The following PFKFB2 variants were observed in gnomAD, a reference collection of about 807,000 sequenced individuals.
The protein encoded by PFKFB2 is 6-phosphofructo-2-kinase/fructose-2,6-biphosphatase 2, also known as 6-phosphofructo-2-kinase/fructose-2,6-bisphosphatase 2.
Under a neutral mutation model 68.0 loss-of-function variants are expected in PFKFB2, and 53 were observed. The observed-to-expected ratio is 0.78, with a 90% CI of 0.63 to 0.98. The LOEUF is 0.98. Ranked by LOEUF, PFKFB2 falls within the 50% of genes least tolerant of loss-of-function variation. The probability of loss-of-function intolerance (pLI) is 0.00; values close to 1 mark genes in which losing one functional copy is unlikely to be tolerated. For synonymous variants in PFKFB2, 222 were observed against 227.6 expected (o/e 0.98, Z 0.22); for missense variants, 451 against 642.0 (o/e 0.70, Z 3.22).
intron 2 of PFKFB2, among the ~76,000 whole-genome samples, chr1:207,057,320 A>C (rs1409897222): frequency 2.8e-4 from 41 of 148,662 alleles, no homozygotes; most frequent in Admixed American, 2.6e-3. Context: ...AAAAAAAAAA[A>C]AAAAAAAACT....
intron 2 of PFKFB2, among the ~76,000 whole-genome samples, chr1:207,043,587 C>T (rs1259161939): frequency 1.3e-5 from 2 of 152,148 alleles, no homozygotes; most frequent in Non-Finnish European, 2.9e-5. Flanking sequence ...ACACTGACAA[C>T]TTGTCAGCAA....
intron 1 of PFKFB2, among the ~76,000 whole-genome samples, chr1:207,041,839 A>G (rs1209366510): frequency 6.6e-6 from 1 of 152,036 alleles, no homozygotes; most frequent in African/African-American, 2.4e-5. Flanking sequence ...ACTAATTTAC[A>G]CTCCCACCAA....
intron 2 of PFKFB2, among the ~76,000 whole-genome samples, chr1:207,055,143 T>C (rs1407858815): frequency 1.3e-5 from 2 of 152,166 alleles, no homozygotes; most frequent in Non-Finnish European, 2.9e-5. Context: ...GGTGCAGGAA[T>C]TACTTGGAGC....
chr1:207,038,539 T>C (rs1461852222), intron 1 of PFKFB2, among the ~76,000 whole-genome samples: 1 of 152,244 alleles, frequency 6.6e-6, no homozygotes, highest in Admixed American at 6.5e-5. Flanking sequence ...GTACCCTCTA[T>C]TTGAAATGAT....
chr1:207,039,000 T>C (rs909767623), intron 1 of PFKFB2, among the ~76,000 whole-genome samples: 12 of 152,208 alleles, frequency 7.9e-5, no homozygotes, highest in African/African-American at 2.9e-4. Flanking sequence ...TGTTAAACCA[T>C]TTAACAATTT....
chr1:207,050,419 G>A (rs549790504), upstream of PFKFB2, among the ~76,000 whole-genome samples: 31 of 152,282 alleles, frequency 2.0e-4, no homozygotes, highest in African/African-American at 5.8e-4. Context: ...AAACAAAATG[G>A]GATAGTTTCA....
intron 1 of PFKFB2, chr1:207,042,154 C>T (rs1274206769): frequency 6.6e-6 from 1 of 152,080 alleles, no homozygotes; most frequent in Non-Finnish European, 1.5e-5. Flanking sequence ...CTTCTTTTCC[C>T]CCTCATTTCT....
Position 207,063,089 on chromosome 1 carries a change from C to A in PFKFB2, c.309-54C>A. Reference sequence around the variant, plus strand: ...TCTGTAGCCACCCGAATGTTTGTGTCTCTGACTGTTTGAGCTTAGCTCTCC... The same window carrying A: ...TCTGTAGCCACCCGAATGTTTGTGTATCTGACTGTTTGAGCTTAGCTCTCC... On this transcript the variant is annotated intron_variant, in intron 4 of 14. Coordinates refer to ENST00000367080, the MANE Select transcript of PFKFB2 (RefSeq NM_006212.2). This position sits in a 1 kb window ranked among gnomAD's most constrained non-coding sequence, Gnocchi z 4.1. The A allele has an allele frequency of 6.9e-7, 1 of 1,458,176 alleles. No homozygotes were observed. The highest frequency in any genetic ancestry group is 9.6e-7 in the Non-Finnish European group (1 of 1,039,112). 90.3% of individuals were successfully genotyped at this position (1,458,176 alleles called of 1,614,324 possible).
chr1:207,061,605 G>A lies in PFKFB2; in HGVS notation c.86-348G>A, dbSNP rs78428289. 6.6e-3 allele frequency among the ~76,000 whole-genome samples: 1,002 copies of A among 152,204 alleles called. 8 individuals carry two copies. Among genetic ancestry groups the A allele is most frequent in the Non-Finnish European group, 1.0e-2 (679 of 67,990 alleles). ...TGTATAAACCTTACTAGACCCCAGC[G>A]GGGCTGGGCGCCTCACGCCTGTAAT... On this transcript the variant is annotated intron_variant, in intron 2 of 14. Transcript: ENST00000367080.
At chr1:207,048,009 T>G (rs902748787) in intron 2 of PFKFB2, 2 of 152,360 alleles carry the variant, frequency 1.3e-5, no homozygotes, top group African/African-American at 4.8e-5. Context: ...GCATTATTAC[T>G]TGAAAAAAAT....
rs572206180 is a variant in PFKFB2 at position 207,058,578 on chromosome 1, A to T, written c.86-3375A>T. 2.6e-5 allele frequency among the ~76,000 whole-genome samples: 4 copies of T among 152,362 alleles called. No homozygotes were observed. In the South Asian group the frequency reaches 8.3e-4, roughly 32 times the overall value. On this transcript the variant is annotated intron_variant, in intron 2 of 14. Transcript: ENST00000367080. Reference sequence around the variant, plus strand: ...TTTTTCCATTTACACGAGGGAAGTTATCAAGTCCTCATTTTTTTTGTAAAT... The same window carrying T: ...TTTTTCCATTTACACGAGGGAAGTTTTCAAGTCCTCATTTTTTTTGTAAAT...
intron 12 of PFKFB2, 99 bp from the exon 13 acceptor site, chr1:207,071,089 G>A: frequency 2.1e-6 from 2 of 974,632 alleles, no homozygotes; most frequent in Admixed American, 3.7e-5. Flanking sequence ...GTCAAAGTAA[G>A]GGAAACTCAT....
intron 7 of PFKFB2, among the ~76,000 whole-genome samples, chr1:207,064,788 G>T (rs1683230808): frequency 6.6e-6 from 1 of 152,044 alleles, no homozygotes. Flanking sequence ...AGCTTTGGCT[G>T]CGTGACTGCC....
intron 3 of PFKFB2, 100 bp downstream of exon 3, chr1:207,062,178 T>G (rs942874313): frequency 1.0e-5 from 15 of 1,497,632 alleles, no homozygotes; most frequent in Non-Finnish European, 1.4e-5. Flanking sequence ...TATAGGGTGC[T>G]TTTGGCAGAA....
In PFKFB2 at chr1:207,075,847, T is replaced by C. The variant is rs944427068; in HGVS notation, c.*3476T>C. 3.0e-6 allele frequency: 3 copies of C among 983,824 alleles called. No individual in the cohort carries two copies. The highest frequency in any genetic ancestry group is 1.7e-5 in the African/African-American group (1 of 57,234). The allele number at this position is 983,824 out of a possible 1,614,324, so 60.9% of individuals were successfully genotyped here. A position where few individuals can be genotyped will look rare whatever the true frequency, so the allele number is the denominator to read the frequency against. ...CTATGACAGATTTGAAAGAGAATTC[T>C]AAAGCAGATTTAGAGAACCTGCTTC... On this transcript the variant is annotated 3_prime_UTR_variant, in exon 15 of 15. Transcript: ENST00000367080.
intron 2 of PFKFB2, chr1:207,044,616 A>G (rs1682549998): frequency 2.6e-5 from 4 of 152,328 alleles, no homozygotes; most frequent in South Asian, 2.1e-4. Context: ...CAAAATGCTT[A>G]TAATTCATGG....
intron 1 of PFKFB2, among the ~76,000 whole-genome samples, chr1:207,054,144 C>T (rs1432734447): frequency 6.6e-6 from 1 of 151,882 alleles, no homozygotes; most frequent in Admixed American, 6.6e-5. Flanking sequence ...CCTCTTGATC[C>T]GCCCGCCTCA....
chr1:207,062,120 C>T (rs1572723850), intron 3 of PFKFB2, 42 bp downstream of exon 3: 1 of 1,613,186 alleles, frequency 6.2e-7, no homozygotes, highest in East Asian at 2.2e-5. Context: ...TTATTAGTTC[C>T]TGGGCCTCAC....
Position 207,063,885 on chromosome 1 carries a change from T to TA in PFKFB2, c.507+56_507+57insA. On this transcript the variant is annotated intron_variant, in intron 7 of 14. Coordinates refer to ENST00000367080, the MANE Select transcript of PFKFB2 (RefSeq NM_006212.2). The surrounding 1 kb of genome is among the most constrained non-coding windows in gnomAD (Gnocchi z 4.1). ...TTCACCTTTTGTGCTGTGTGTGTTG[T>TA]GGGGTGTGTGTGTGTGTGTGTGTGT... 1.2e-6 allele frequency: 1 copy of TA among 850,114 alleles called. No individual in the cohort carries two copies. Among genetic ancestry groups the TA allele is most frequent in the Non-Finnish European group, 1.8e-6 (1 of 548,540 alleles). The allele number at this position is 850,114 out of a possible 1,614,324, so 52.7% of individuals were successfully genotyped here.
Sources: allele counts gnomAD v4.1 joint callset (sites outside exome capture counted in the v4.1 genomes callset), GRCh38; gene constraint gnomAD v4.1.1; non-coding constraint Gnocchi (gnomAD v3.1); transcripts MANE v1.5; gene names NCBI Gene and HGNC (gene_info 2026-07-23, HGNC 2026-07-21).